Variants in SCRN3 observed in about 807,000 individuals in gnomAD.
The protein encoded by SCRN3 is secernin 3.
Under a neutral mutation model 43.1 loss-of-function variants are expected in SCRN3, and 39 were observed. The ratio of observed to expected loss-of-function variants is 0.91; its 90% CI spans 0.70 to 1.18. The LOEUF (loss-of-function observed/expected upper bound fraction) is 1.18, where lower values mean the gene tolerates loss of function less well. SCRN3 is among the 50% of genes most tolerant of loss of function. SCRN3 has a pLI of 0.00. For missense variants in SCRN3, 484 were observed against 498.0 expected (o/e 0.97, Z 0.27); for synonymous variants, 147 against 163.1 (o/e 0.90, Z 0.75).
intron 5 of SCRN3, among the ~76,000 whole-genome samples, chr2:174,415,089 C>T (rs1686059407): frequency 6.6e-6 from 1 of 152,126 alleles, no homozygotes; most frequent in African/African-American, 2.4e-5. Context: ...AGCCCCATGA[C>T]TATTTTCTAA....
At chr2:174,409,774 G>C (rs1446861277) in intron 5 of SCRN3, among the ~76,000 whole-genome samples, 4 of 143,484 alleles carry the variant, frequency 2.8e-5, no homozygotes, top group African/African-American at 9.9e-5. Flanking sequence ...GCTGCTCGGG[G>C]GTCAGGGGTC....
In SCRN3 at chr2:174,429,562, CA is replaced by C. The variant is rs1686592527; in HGVS notation, c.*1668del. ...ATCAGCATACATGCATAGCCTCCCC[CA>C]CTATCAACATCCCAGCACCAGAATG... On this transcript the variant is annotated 3_prime_UTR_variant, in exon 8 of 8. Transcript: ENST00000272732. The C allele has an allele frequency of 6.6e-6, 1 of 152,188 alleles. No homozygotes were observed. Among genetic ancestry groups the C allele is most frequent in the Non-Finnish European group, 1.5e-5 (1 of 68,062 alleles). The allele number at this position is 152,188 out of a possible 1,614,324, so 9.4% of individuals were successfully genotyped here.
chr2:174,411,040 C>T (rs1016307260), intron 5 of SCRN3, among the ~76,000 whole-genome samples: 9 of 152,082 alleles, frequency 5.9e-5, no homozygotes, highest in Non-Finnish European at 7.4e-5. Flanking sequence ...CTCCTTATTA[C>T]GGCTATGAGT....
chr2:174,400,968 G>T, intron 3 of SCRN3, 22 bp from the exon 4 acceptor site: 1 of 1,528,386 alleles, frequency 6.5e-7, no homozygotes, highest in South Asian at 1.2e-5. Flanking sequence ...TTTAATATGA[G>T]AACTTTATAT....
At chr2:174,416,244 A>G (rs1365716569) in intron 5 of SCRN3, among the ~76,000 whole-genome samples, 2 of 152,204 alleles carry the variant, frequency 1.3e-5, no homozygotes, top group Non-Finnish European at 2.9e-5. Flanking sequence ...TAGCTAGCCC[A>G]GAAATAGCAG....
chr2:174,420,761 C>G (rs1473970455), intron 5 of SCRN3, among the ~76,000 whole-genome samples: 1 of 151,904 alleles, frequency 6.6e-6, no homozygotes. Context: ...AGAAAAGATT[C>G]CAATTCAAAC....
chr2:174,406,267 A>G (rs200240117), intron 5 of SCRN3, among the ~76,000 whole-genome samples: 21,363 of 135,658 alleles, frequency 0.16, 2,130 homozygotes, highest in South Asian at 0.25. Flanking sequence ...TTTGTCTGTT[A>G]TTGGTGTATA....
intron 5 of SCRN3, among the ~76,000 whole-genome samples, chr2:174,413,481 CA>C (rs1685996848): frequency 6.6e-6 from 1 of 151,932 alleles, no homozygotes; most frequent in Non-Finnish European, 1.5e-5. Context: ...AATCAGCAAT[CA>C]GATGGAGATT....
At chr2:174,411,085 T>C (rs1162626822) in intron 5 of SCRN3, among the ~76,000 whole-genome samples, 1 of 152,152 alleles carries the variant, frequency 6.6e-6, no homozygotes, top group Non-Finnish European at 1.5e-5. Flanking sequence ...ACCCAGAGTT[T>C]AGGATGGAAC....
chr2:174,426,806 A>AAAACAG (rs1270441717), intron 7 of SCRN3, among the ~76,000 whole-genome samples: 1 of 151,808 alleles, frequency 6.6e-6, no homozygotes, highest in Non-Finnish European at 1.5e-5. Context: ...AACAAAAACA[A>AAAACAG]ATTATGCTCA....
intron 5 of SCRN3, among the ~76,000 whole-genome samples, chr2:174,415,780 G>A (rs1686084462): frequency 6.6e-6 from 1 of 152,162 alleles, no homozygotes; most frequent in African/African-American, 2.4e-5. Context: ...AAATAGCTGG[G>A]ATTCCAGGTG....
At chr2:174,422,527 T>C (rs1172288479) in intron 5 of SCRN3, among the ~76,000 whole-genome samples, 1 of 150,592 alleles carries the variant, frequency 6.6e-6, no homozygotes, top group African/African-American at 2.4e-5. Flanking sequence ...TGAGCCAAGA[T>C]TGCACCACTG....
chr2:174,416,902 C>T (rs764080579), intron 5 of SCRN3, among the ~76,000 whole-genome samples: 11 of 152,112 alleles, frequency 7.2e-5, no homozygotes, highest in East Asian at 1.9e-4. Context: ...AAAAGGAAAA[C>T]GTTTGACAGA....
chr2:174,417,635 C>T (rs11678236), intron 5 of SCRN3, among the ~76,000 whole-genome samples: 29,612 of 152,040 alleles, frequency 0.19, 3,375 homozygotes, highest in Middle Eastern at 0.38. Context: ...CCTCATGATC[C>T]GCCCACCTCG....
chr2:174,410,236 C>T (rs1685864335), intron 5 of SCRN3: 1 of 150,592 alleles, frequency 6.6e-6, no homozygotes, highest in Non-Finnish European at 1.5e-5. Flanking sequence ...GTGCGTCCGT[C>T]ACCCCTTTCT....
intron 5 of SCRN3, among the ~76,000 whole-genome samples, chr2:174,416,126 A>G (rs1179925753): frequency 1.3e-5 from 2 of 152,222 alleles, no homozygotes; most frequent in Non-Finnish European, 2.9e-5. Flanking sequence ...AGGGCCACCA[A>G]GCAAGGTTAT....
intron 4 of SCRN3, among the ~76,000 whole-genome samples, chr2:174,402,651 T>G (rs368902145): frequency 1.8e-4 from 28 of 152,120 alleles, no homozygotes; most frequent in Non-Finnish European, 3.5e-4. Context: ...ATTATGCCAC[T>G]GTACTCTAGC....
Position 174,427,901 on chromosome 2 carries a change from A to G in SCRN3, c.*6A>G. On this transcript the variant is annotated 3_prime_UTR_variant, in exon 8 of 8. Coordinates refer to ENST00000272732, the MANE Select transcript of SCRN3 (RefSeq NM_024583.5). ...CAGTCAAAGTTAGTTCTTAGTGATC[A>G]TATGGTCAGCTAATATTAGTTCTTA... The G allele has an allele frequency of 6.5e-7, 1 of 1,533,130 alleles. No individual in the cohort carries two copies. The highest frequency in any genetic ancestry group is 9.0e-7 in the Non-Finnish European group (1 of 1,109,514). 95.0% of individuals were successfully genotyped at this position (1,533,130 alleles called of 1,614,324 possible).
In SCRN3 at chr2:174,429,003, CAA is replaced by C. The variant is rs1686577837; in HGVS notation, c.*1110_*1111del. 6.6e-6 allele frequency: 1 copy of C among 152,162 alleles called. No individual in the cohort carries two copies. The highest frequency in any genetic ancestry group is 6.5e-5 in the Admixed American group (1 of 15,278). 9.4% of individuals were successfully genotyped at this position (152,162 alleles called of 1,614,324 possible). On this transcript the variant is annotated 3_prime_UTR_variant, in exon 8 of 8. Transcript: ENST00000272732. ...TAATAAAGAAGTGGGTCATTATATT[CAA>C]AGAGTGCTCAGGAAGTTATGTGTTC... is the stretch of plus-strand genomic sequence containing the variant.
Sources: allele counts gnomAD v4.1 joint callset (sites outside exome capture counted in the v4.1 genomes callset), GRCh38; gene constraint gnomAD v4.1.1; transcripts MANE v1.5; gene names NCBI Gene and HGNC (gene_info 2026-07-23, HGNC 2026-07-21).